LMF2: variants seen among roughly 807,000 people sequenced by gnomAD.
The protein encoded by LMF2 is lipase maturation factor 2.
In LMF2, 113 loss-of-function variants were observed where a neutral mutation model predicts 81.5. The observed-to-expected ratio is 1.39, with a 90% CI of 1.19 to 1.62. LMF2 has a LOEUF of 1.62. Ranked by LOEUF, LMF2 falls within the 40% of genes most tolerant of loss-of-function variation. LMF2 has a pLI of 0.00. For missense variants in LMF2, 1,235 were observed against 929.1 expected (o/e 1.33, Z -4.28); for synonymous variants, 645 against 424.5 (o/e 1.52, Z -6.39).
chr22:50,507,100 AG>A (rs754300636), intron 1 of LMF2, 65 bp from the exon 2 acceptor site: 37 of 1,521,572 alleles, frequency 2.4e-5, no homozygotes, highest in Non-Finnish European at 3.2e-5. Context: ...CCTCTGAGTC[AG>A]GGCCTGCAGA....
Position 50,503,373 on chromosome 22 carries a change from G to A in LMF2, c.*18C>T. ...CGGCGACCTGGCCCTCTCAGGACGT[G>A]CAGCTGGGAGAACACAGCTACTTCT... On this transcript the variant is annotated 3_prime_UTR_variant, in exon 14 of 14. Transcript: ENST00000474879. 1 of 1,610,626 alleles carries A rather than the reference G, an allele frequency of 6.2e-7. No homozygotes were observed. Among genetic ancestry groups the A allele is most frequent in the South Asian group, 1.1e-5 (1 of 90,896 alleles).
rs747078627 is a variant in LMF2, at chr22:50,505,237, G to A, written c.1149C>T (p.Ala383=). The A allele has an allele frequency of 6.2e-5, 100 of 1,612,982 alleles. 1 individual carries two copies. The South Asian group carries it at 1.0e-3, about 17-fold the overall frequency. The change falls in exon 8 of 14, where the codon GCC becomes GCT. Residue 383 remains alanine (A), a synonymous_variant. Transcript: ENST00000474879. ...VASLVWELLS[A]LWRWTQVRGW... Reference sequence around the variant, plus strand: ...CTTCCTGGGCCATGTACCTCCACAGGGCACTCAGCAGCTCCCAGACCAGGG... The same window carrying A: ...CTTCCTGGGCCATGTACCTCCACAGAGCACTCAGCAGCTCCCAGACCAGGG...
chr22:50,507,421 A>AC (rs1158214282), intron 1 of LMF2, among the ~76,000 whole-genome samples, 161 bp downstream of exon 1: 4 of 149,722 alleles, frequency 2.7e-5, no homozygotes, highest in Non-Finnish European at 4.5e-5. Flanking sequence ...ACACCTTCCT[A>AC]CCCCCACAGC....
At chr22:50,506,696 G>A in intron 2 of LMF2, 30 bp from the exon 3 acceptor site, 11 of 1,613,672 alleles carry the variant, frequency 6.8e-6, no homozygotes, top group Non-Finnish European at 9.3e-6. Context: ...CAGGGAGCGG[G>A]TGTGTCTGTG....
chr22:50,505,032 C>G (rs756958751), intron 9 of LMF2, 25 bp downstream of exon 9: 3 of 1,610,528 alleles, frequency 1.9e-6, no homozygotes, highest in Non-Finnish European at 2.5e-6. Context: ...CCCAGCCCAT[C>G]CCCCAGCCCT....
Position 50,503,924 on chromosome 22 carries a change from T to G in LMF2, c.1719-20A>C, listed in dbSNP as rs1231656445. 1.8e-5 allele frequency: 29 copies of G among 1,602,122 alleles called. No individual in the cohort carries two copies. The highest frequency in any genetic ancestry group is 2.3e-5 in the Non-Finnish European group (27 of 1,178,454). On this transcript the variant is annotated intron_variant, in intron 12 of 13. Transcript: ENST00000474879. Reference sequence around the variant, plus strand: ...CACTGGCTGCAGCAGGACCCGATGTTCAGAAGCTGGAGGCACCCCGGGCTC... The same window carrying G: ...CACTGGCTGCAGCAGGACCCGATGTGCAGAAGCTGGAGGCACCCCGGGCTC...
In LMF2 at chr22:50,507,693, C is replaced by A; in HGVS notation, c.-18G>T. 6.5e-7 allele frequency: 1 copy of A among 1,543,192 alleles called. No homozygotes were observed. The highest frequency in any genetic ancestry group is 2.5e-5 in the East Asian group (1 of 40,720). Reference sequence around the variant, plus strand: ...CCCGCCATGTCCGCTACGCGGCCCGCTAGAGCAGGGCCCGCCCTCCGCGTC... The same window carrying A: ...CCCGCCATGTCCGCTACGCGGCCCGATAGAGCAGGGCCCGCCCTCCGCGTC... On this transcript the variant is annotated 5_prime_UTR_variant, in exon 1 of 14. Coordinates refer to ENST00000474879, the MANE Select transcript of LMF2 (RefSeq NM_033200.3).
At chr22:50,504,493 C>CT in intron 11 of LMF2, 42 bp from the exon 12 acceptor site, 10 of 1,491,630 alleles carry the variant, frequency 6.7e-6, no homozygotes, top group Admixed American at 1.8e-5. Context: ...AGTACCCGCC[C>CT]TGCCCCTCCC....
rs368866707 is a variant in LMF2 at position 50,503,520 on chromosome 22, C to A, written c.1995G>T (p.Pro665=). The A allele has an allele frequency of 1.9e-6, 3 of 1,571,408 alleles. No individual in the cohort carries two copies. The highest frequency in any genetic ancestry group is 2.6e-6 in the Non-Finnish European group (3 of 1,162,862). The change falls in exon 14 of 14, where the codon CCG becomes CCT. Residue 665 remains proline (P), a synonymous_variant. Coordinates refer to ENST00000474879, the MANE Select transcript of LMF2 (RefSeq NM_033200.3). ...GCTTCTCCCCGCTGACTGGTGCCAG[C>A]GGGGAGGACCGGAGAGAACAGGGTG... The part of the protein sequence containing the change: ...LLAPCSLRSS[P]LAPVSGEKRR...
Position 50,504,280 on chromosome 22 carries a change from C to CCT in LMF2, c.1718+59_1718+60insAG, listed in dbSNP as rs61419617. The stretch of plus-strand genomic sequence containing the variant: ...CCTGCACCCCGGGCTCCACACCCCC[C>CCT]GGTGCCCGGCCTTACCCCTGCACCC... On this transcript the variant is annotated intron_variant, in intron 12 of 13. Transcript: ENST00000474879. 24 of 907,904 alleles carry CCT rather than the reference C, an allele frequency of 2.6e-5. 3 individuals carry two copies. Among genetic ancestry groups the CCT allele is most frequent in the Middle Eastern group, 8.0e-4 (2 of 2,492 alleles). The allele number at this position is 907,904 out of a possible 1,614,324, so 56.2% of individuals were successfully genotyped here.
Position 50,506,949 on chromosome 22 carries a change from G to A in LMF2, c.181C>T (p.Pro61Ser), listed in dbSNP as rs2068598950. 1.9e-6 allele frequency: 3 copies of A among 1,583,092 alleles called. No homozygotes were observed. The highest frequency in any genetic ancestry group is 2.7e-5 in the African/African-American group (2 of 74,432). The change falls in exon 2 of 14, where the codon CCG becomes TCG. Residue 61 changes from proline to serine, a missense_variant. Physicochemically the swap from Pro to Ser is moderately conservative, Grantham distance 74. Transcript: ENST00000474879. The part of the protein sequence containing the change: ...KGRWQQLWET[P>S]TLLWEAPRLG... ...CTCGGCGCTTCCCACAGCAGCGTCG[G>A]GGTCTCCCACAGCTGCTGCCAGCGC...
At position 50,504,920 on chromosome 22, in the gene LMF2, A is replaced by G. The variant is rs774816833; in HGVS notation, c.1319T>C (p.Phe440Ser). The G allele has an allele frequency of 3.1e-6, 5 of 1,608,198 alleles. No individual in the cohort carries two copies. Among genetic ancestry groups the G allele is most frequent in the East Asian group, 2.2e-5 (1 of 44,622 alleles). Residue 440 changes from phenylalanine to serine, a missense_variant, in exon 10 of 14, where the codon TTT becomes TCT. Coordinates refer to ENST00000474879, the MANE Select transcript of LMF2 (RefSeq NM_033200.3). ...GRLWTGAHRLFGAVEHLQLAN... is the reference protein window; with the variant it reads ...GRLWTGAHRLSGAVEHLQLAN... ...CAGCTGTAGGTGCTCCACGGCACCA[A>G]ACAGGCGGTGGGCCCCGGTCCAGAG...
Position 50,507,434 on chromosome 22 carries a change from C to A in LMF2, c.94+148G>T, listed in dbSNP as rs2068621892. 7.1e-6 allele frequency: 5 copies of A among 704,198 alleles called. No individual in the cohort carries two copies. The Admixed American group carries it at 8.5e-5, about 12-fold the overall frequency. 43.6% of individuals were successfully genotyped at this position (704,198 alleles called of 1,614,324 possible). A position where few individuals can be genotyped will look rare whatever the true frequency, so the allele number is the denominator to read the frequency against. On this transcript the variant is annotated intron_variant, in intron 1 of 13. Transcript: ENST00000474879. ...GCACACCTTCCTACCCCCACAGCGGCCTGCAGGACACGAACCGCCGCCCCC... is the reference window on the plus strand; with the variant it reads ...GCACACCTTCCTACCCCCACAGCGGACTGCAGGACACGAACCGCCGCCCCC...
chr22:50,505,183 C>G (rs376018946), intron 8 of LMF2, 30 bp from the exon 9 acceptor site: 41 of 1,612,540 alleles, frequency 2.5e-5, no homozygotes, highest in Non-Finnish European at 3.4e-5. Context: ...GTCGTCAGGC[C>G]GGCCCTGCAC....
intron 2 of LMF2, 48 bp downstream of exon 2, chr22:50,506,734 G>A (rs2068588564): frequency 1.9e-6 from 3 of 1,612,342 alleles, no homozygotes; most frequent in Admixed American, 1.7e-5. Flanking sequence ...GGCAGGGGTG[G>A]GTGGTGGGGG....
At position 50,505,350 on chromosome 22, in the gene LMF2, G is replaced by T; in HGVS notation, c.1052-16C>A. Reference sequence around the variant, plus strand: ...AAGGTGAAAGCTGGTGGAGGAGGGGGGTGTGAGGACTGGTCCGCCCCTGCC... The same window carrying T: ...AAGGTGAAAGCTGGTGGAGGAGGGGTGTGTGAGGACTGGTCCGCCCCTGCC... On this transcript the variant is annotated splice_polypyrimidine_tract_variant and intron_variant, in intron 7 of 13. Transcript: ENST00000474879. 1.2e-6 allele frequency: 2 copies of T among 1,613,240 alleles called. No homozygotes were observed.
rs770424007 is a variant in LMF2 at position 50,504,953 on chromosome 22, T to G, written c.1286A>C (p.His429Pro). ...VPYSYVEPGT[H>P]GRLWTGAHRL... ...GTGGGCCCCGGTCCAGAGGCGCCCG[T>G]GGGTCCCGGGCTCCACGTAGGAGTA... The change falls in exon 10 of 14, where the codon CAC (histidine) becomes CCC (proline). Residue 429 changes from histidine to proline, a missense_variant. Transcript: ENST00000474879. 1 of 1,608,194 alleles carries G rather than the reference T, an allele frequency of 6.2e-7. No homozygotes were observed. The highest frequency in any genetic ancestry group is 8.5e-7 in the Non-Finnish European group (1 of 1,176,756).
At position 50,504,306 on chromosome 22, in the gene LMF2, CGGGCTCCACACCCCACCCG is replaced by C; in HGVS notation, c.1718+15_1718+33del. On this transcript the variant is annotated intron_variant, in intron 12 of 13. Coordinates refer to ENST00000474879, the MANE Select transcript of LMF2 (RefSeq NM_033200.3). ...GGTGCCCGGCCTTACCCCTGCACCC[CGGGCTCCACACCCCACCCG>C]GTGCCCAGCCTTACCCCTGCTCCCC... 6.5e-7 allele frequency: 1 copy of C among 1,535,086 alleles called. No individual in the cohort carries two copies. Among genetic ancestry groups the C allele is most frequent in the Non-Finnish European group, 8.9e-7 (1 of 1,119,110 alleles).
rs771510114 is a variant in LMF2 at position 50,503,922 on chromosome 22, G to A, written c.1719-18C>T. 5 of 1,602,182 alleles carry A rather than the reference G, an allele frequency of 3.1e-6. No homozygotes were observed. In the African/African-American group the frequency reaches 4.0e-5, roughly 13 times the overall value. ...ACCACTGGCTGCAGCAGGACCCGATGTTCAGAAGCTGGAGGCACCCCGGGC... is the reference window on the plus strand; with the variant it reads ...ACCACTGGCTGCAGCAGGACCCGATATTCAGAAGCTGGAGGCACCCCGGGC... On this transcript the variant is annotated intron_variant, in intron 12 of 13. Coordinates refer to ENST00000474879, the MANE Select transcript of LMF2 (RefSeq NM_033200.3).
Sources: allele counts gnomAD v4.1 joint callset (sites outside exome capture counted in the v4.1 genomes callset), GRCh38; gene constraint gnomAD v4.1.1; transcripts MANE v1.5; gene names NCBI Gene and HGNC (gene_info 2026-07-23, HGNC 2026-07-21).